Variants in CSMD1 observed in about 807,000 individuals in gnomAD.
CSMD1 encodes CUB and Sushi multiple domains 1.
CSMD1 carries 213 observed loss-of-function variants against 417.5 expected under a neutral mutation model. The ratio of observed to expected loss-of-function variants is 0.51; its 90% CI spans 0.46 to 0.57. The LOEUF (loss-of-function observed/expected upper bound fraction) is 0.57. CSMD1 is among the 20% of genes least tolerant of loss of function. The probability of loss-of-function intolerance (pLI) is 0.00; values close to 1 mark genes in which losing one functional copy is unlikely to be tolerated. For missense variants in CSMD1, 6,923 were observed against 4,529.7 expected, an observed-to-expected ratio of 1.53 and a Z score of -15.17; for synonymous variants, 2,862 against 1,736.8, an observed-to-expected ratio of 1.65 and a Z score of -16.11.
At chr8:3,337,989 C>A (rs1238149716) in intron 23 of CSMD1, among the ~76,000 whole-genome samples, 2 of 152,194 alleles carry the variant, frequency 1.3e-5, no homozygotes, top group Non-Finnish European at 2.9e-5. Context: ...ACAGTAGACA[C>A]TTCTCTAGCT....
intron 12 of CSMD1, among the ~76,000 whole-genome samples, chr8:3,426,536 G>C (rs1250974693): frequency 6.6e-6 from 1 of 152,122 alleles, no homozygotes; most frequent in East Asian, 1.9e-4. Context: ...GTCATCTTAA[G>C]TGACTTCTCC....
intron 1 of CSMD1, among the ~76,000 whole-genome samples, chr8:4,958,090 C>A (rs1256889744): frequency 6.6e-6 from 1 of 152,164 alleles, no homozygotes; most frequent in Non-Finnish European, 1.5e-5. Context: ...TGTTCATAAT[C>A]CATAAAGTGA....
At chr8:4,122,470 T>C (rs1029485236) in intron 3 of CSMD1, among the ~76,000 whole-genome samples, 23 of 152,160 alleles carry the variant, frequency 1.5e-4, no homozygotes, top group Admixed American at 6.5e-5. Flanking sequence ...ATGAAGAAAC[T>C]AAGAGACACG....
intron 1 of CSMD1, among the ~76,000 whole-genome samples, chr8:4,926,960 C>T (rs952485406): frequency 1.3e-5 from 2 of 152,004 alleles, no homozygotes. Context: ...AACTAAAAAG[C>T]ATTCAGCTAG....
rs982632517 is a variant in CSMD1 at position 3,214,714 on chromosome 8, C to G, written c.4673-23G>C. On this transcript the variant is annotated intron_variant, in intron 29 of 69. Coordinates refer to ENST00000635120, the MANE Select transcript of CSMD1 (RefSeq NM_033225.6). ...TCTCTGTGGAAGAAATGAATGTAAA[C>G]TGCATGAGAGCAGGGATCTTATTCT... 9 of 1,530,544 alleles carry G rather than the reference C, an allele frequency of 5.9e-6. No homozygotes were observed. The East Asian group carries it at 1.7e-4, about 29-fold the overall frequency. 94.8% of individuals were successfully genotyped at this position (1,530,544 alleles called of 1,614,324 possible).
intron 3 of CSMD1, among the ~76,000 whole-genome samples, chr8:4,148,141 C>G (rs1476978893): frequency 6.6e-6 from 1 of 152,094 alleles, no homozygotes; most frequent in Non-Finnish European, 1.5e-5. Context: ...GGGTGAAGCT[C>G]AACTTAGAGT....
intron 3 of CSMD1, among the ~76,000 whole-genome samples, chr8:4,161,960 C>G (rs1797198655): frequency 6.6e-6 from 1 of 152,092 alleles, no homozygotes; most frequent in Admixed American, 6.5e-5. Context: ...CACAACATAC[C>G]TTTAAAATTA....
At chr8:4,603,716 T>G (rs1055676380) in intron 2 of CSMD1, among the ~76,000 whole-genome samples, 6 of 152,180 alleles carry the variant, frequency 3.9e-5, no homozygotes, top group African/African-American at 9.6e-5. Context: ...AATGTTGGCT[T>G]GTATGCTAAT....
chr8:3,524,228 CAT>C lies in CSMD1; in HGVS notation c.1345-30504_1345-30503del, dbSNP rs201158087. Among the ~76,000 whole-genome samples, 1,426 of 150,350 alleles carry C rather than the reference CAT, an allele frequency of 9.5e-3. 11 individuals are homozygous for C. Among genetic ancestry groups the C allele is most frequent in the South Asian group, 0.03 (144 of 4,804 alleles). On this transcript the variant is annotated intron_variant, in intron 10 of 69. Coordinates refer to ENST00000635120, the MANE Select transcript of CSMD1 (RefSeq NM_033225.6). Reference sequence around the variant, plus strand: ...ATGCAACCCAGACAATATGCACACACATACACACATACACACCCAGAGACATA... The same window carrying C: ...ATGCAACCCAGACAATATGCACACACACACACATACACACCCAGAGACATA...
chr8:4,554,229 C>T (rs1048578970), intron 2 of CSMD1, among the ~76,000 whole-genome samples: 4 of 152,166 alleles, frequency 2.6e-5, no homozygotes, highest in Non-Finnish European at 4.4e-5. Flanking sequence ...CTATGCTTCC[C>T]GGGTTCAAGT....
intron 3 of CSMD1, among the ~76,000 whole-genome samples, chr8:4,120,069 T>A (rs1802394152): frequency 6.6e-6 from 1 of 152,210 alleles, no homozygotes; most frequent in African/African-American, 2.4e-5. Context: ...TTGGATTATT[T>A]GTAATACAAA....
intron 3 of CSMD1, among the ~76,000 whole-genome samples, chr8:4,405,699 G>T (rs148310236): frequency 6.6e-6 from 1 of 152,208 alleles, no homozygotes; most frequent in Non-Finnish European, 1.5e-5. Flanking sequence ...AAAACAGGAT[G>T]TGTCTATTGC....
intron 3 of CSMD1, among the ~76,000 whole-genome samples, chr8:4,271,278 T>G (rs1401969366): frequency 6.6e-6 from 1 of 152,174 alleles, no homozygotes; most frequent in African/African-American, 2.4e-5. Flanking sequence ...TAGGGGTTGG[T>G]GCCCTAACAG....
chr8:4,447,851 A>G lies in CSMD1; in HGVS notation c.303-27786T>C, dbSNP rs369777166. ...CAAAGATTTAAGTGATAAACTTAAA[A>G]AAGTGTAAGTAGAGGAGGCTCGACG... is the stretch of plus-strand genomic sequence containing the variant. On this transcript the variant is annotated intron_variant, in intron 2 of 69. Coordinates refer to ENST00000635120, the MANE Select transcript of CSMD1 (RefSeq NM_033225.6). Among the ~76,000 whole-genome samples, 6 of 149,992 alleles carry G rather than the reference A, an allele frequency of 4.0e-5. No individual in the cohort carries two copies. In the East Asian group the frequency reaches 1.2e-3, roughly 29 times the overall value.
intron 2 of CSMD1, among the ~76,000 whole-genome samples, chr8:4,422,827 C>A (rs561714897): frequency 6.6e-6 from 1 of 152,020 alleles, no homozygotes; most frequent in African/African-American, 2.4e-5. Flanking sequence ...GAATTATACA[C>A]GATGATCAAA....
chr8:4,349,157 T>C (rs1284428335), intron 3 of CSMD1, among the ~76,000 whole-genome samples: 1 of 152,222 alleles, frequency 6.6e-6, no homozygotes, highest in Non-Finnish European at 1.5e-5. Context: ...CTTGCATATG[T>C]GCTTTTGGTG....
At chr8:3,261,014 C>T (rs539761925) in intron 26 of CSMD1, among the ~76,000 whole-genome samples, 1 of 151,466 alleles carries the variant, frequency 6.6e-6, no homozygotes, top group African/African-American at 2.4e-5. Context: ...AAACAAATAC[C>T]AAAAAAAACC....
At chr8:4,136,243 G>C (rs1803425692) in intron 3 of CSMD1, among the ~76,000 whole-genome samples, 1 of 152,272 alleles carries the variant, frequency 6.6e-6, no homozygotes, top group Middle Eastern at 3.4e-3. Context: ...TATTGAACCA[G>C]ACTTGACAGA....
Position 3,968,653 on chromosome 8 carries a change from C to A in CSMD1, c.818+29250G>T, listed in dbSNP as rs558176942. On this transcript the variant is annotated intron_variant, in intron 5 of 69. Coordinates refer to ENST00000635120, the MANE Select transcript of CSMD1 (RefSeq NM_033225.6). ...GAACACAGTCTGAGGCTCTACTGTCCTAAATCCCGAAAGCTGATAGTGTTA... is the reference window on the plus strand; with the variant it reads ...GAACACAGTCTGAGGCTCTACTGTCATAAATCCCGAAAGCTGATAGTGTTA... Among the ~76,000 whole-genome samples the A allele has an allele frequency of 7.2e-5, 11 of 152,226 alleles. No individual in the cohort carries two copies. In the East Asian group the frequency reaches 1.9e-3, roughly 27 times the overall value.
Sources: allele counts gnomAD v4.1 joint callset (sites outside exome capture counted in the v4.1 genomes callset), GRCh38; gene constraint gnomAD v4.1.1; transcripts MANE v1.5; gene names NCBI Gene and HGNC (gene_info 2026-07-23, HGNC 2026-07-21).